GLIS3: variants seen among roughly 807,000 people sequenced by gnomAD.
The protein encoded by GLIS3 is zinc finger protein GLIS3.
In GLIS3, 53 loss-of-function variants were observed where a neutral mutation model predicts 78.6. The ratio of observed to expected loss-of-function variants is 0.67; its 90% CI spans 0.54 to 0.85. The LOEUF (loss-of-function observed/expected upper bound fraction) is 0.85. Among genes scored for constraint, GLIS3 ranks in the 40% least tolerant of loss-of-function variants. The pLI is 0.00. For missense variants in GLIS3, 1,703 were observed against 1,231.1 expected (o/e 1.38, Z -5.74); for synonymous variants, 684 against 509.9 (o/e 1.34, Z -4.60).
At chr9:4,077,619 C>A (rs534781887) in intron 4 of GLIS3, among the ~76,000 whole-genome samples, 1 of 152,268 alleles carries the variant, frequency 6.6e-6, no homozygotes, top group Non-Finnish European at 1.5e-5. Context: ...CTATGCTGTT[C>A]TTTGAGACAC....
At chr9:3,883,103 C>T (rs1362839786) in intron 7 of GLIS3, among the ~76,000 whole-genome samples, 1 of 152,178 alleles carries the variant, frequency 6.6e-6, no homozygotes, top group Non-Finnish European at 1.5e-5. Flanking sequence ...AAAAAATGGA[C>T]AACACTCTGG....
rs114167748 is a variant in GLIS3 at position 3,918,502 on chromosome 9, C to T, written c.1983+13858G>A. ...ATACAACCTAGTGCCTGGCCGTCTT[C>T]ATGGTACCTTATGGGAACTAGGACT... is the stretch of plus-strand genomic sequence containing the variant. On this transcript the variant is annotated intron_variant, in intron 6 of 10. Transcript: ENST00000381971. 7.2e-3 allele frequency among the ~76,000 whole-genome samples: 1,094 copies of T among 152,262 alleles called. 11 individuals carry two copies. The highest frequency in any genetic ancestry group is 0.023 in the South Asian group (109 of 4,818).
chr9:4,321,663 T>C (rs1199865304), intron 2 of GLIS3, among the ~76,000 whole-genome samples: 2 of 142,716 alleles, frequency 1.4e-5, no homozygotes, highest in Non-Finnish European at 3.0e-5. Context: ...TTCTCTGCTA[T>C]CCCTCCTCCA....
chr9:4,261,592 G>T (rs994728205), intron 2 of GLIS3, among the ~76,000 whole-genome samples: 1 of 152,132 alleles, frequency 6.6e-6, no homozygotes, highest in African/African-American at 2.4e-5. Flanking sequence ...CCCAGAGAGA[G>T]AACTCAAGAG....
the GLIS3 span, among the ~76,000 whole-genome samples, chr9:4,445,728 C>A: frequency 6.6e-6 from 1 of 152,196 alleles, no homozygotes; most frequent in Non-Finnish European, 1.5e-5. Flanking sequence ...CTCATGGACA[C>A]AGCATGTTAG....
intron 4 of GLIS3, among the ~76,000 whole-genome samples, chr9:4,110,567 T>C (rs1006367666): frequency 2.6e-5 from 4 of 152,178 alleles, no homozygotes; most frequent in African/African-American, 9.7e-5. Context: ...CCCCTATCTA[T>C]GCCAACCTCC....
intron 9 of GLIS3, among the ~76,000 whole-genome samples, chr9:3,843,239 T>C (rs977852221): frequency 2.0e-5 from 3 of 152,194 alleles, no homozygotes; most frequent in African/African-American, 4.8e-5. Context: ...AGTCTGTTAT[T>C]ACACAAATTT....
intron 2 of GLIS3, among the ~76,000 whole-genome samples, chr9:4,134,196 T>C (rs1019404755): frequency 3.3e-5 from 5 of 152,124 alleles, no homozygotes; most frequent in African/African-American, 1.2e-4. Context: ...TCAACTACAA[T>C]TGAAGTAGAG....
intron 4 of GLIS3, among the ~76,000 whole-genome samples, chr9:3,948,292 C>G (rs1227124708): frequency 6.6e-6 from 1 of 152,210 alleles, no homozygotes; most frequent in African/African-American, 2.4e-5. Context: ...TTAAACTACT[C>G]TATCCCATTT....
chr9:4,212,743 G>C (rs1820484677), intron 2 of GLIS3, among the ~76,000 whole-genome samples: 1 of 152,220 alleles, frequency 6.6e-6, no homozygotes, highest in African/African-American at 2.4e-5. Flanking sequence ...GAACATGTGA[G>C]GAACGGATGC....
intron 2 of GLIS3, among the ~76,000 whole-genome samples, chr9:4,151,597 C>A (rs1444516376): frequency 1.3e-5 from 2 of 152,108 alleles, no homozygotes; most frequent in South Asian, 2.1e-4. Context: ...TATTTCTTGG[C>A]AAAATAACTG....
intron 2 of GLIS3, among the ~76,000 whole-genome samples, chr9:4,221,762 G>A (rs924045642): frequency 1.3e-5 from 2 of 152,226 alleles, no homozygotes; most frequent in African/African-American, 4.8e-5. Flanking sequence ...AAAGCACCGT[G>A]TGCCTCCAAT....
intron 4 of GLIS3, among the ~76,000 whole-genome samples, chr9:4,049,736 C>G (rs1825562174): frequency 6.6e-6 from 1 of 151,834 alleles, no homozygotes; most frequent in South Asian, 2.1e-4. Context: ...ACAAAGAACT[C>G]AAACAAATTT....
chr9:4,179,336 CA>C (rs1330616240), intron 2 of GLIS3, among the ~76,000 whole-genome samples: 1 of 152,190 alleles, frequency 6.6e-6, no homozygotes, highest in African/African-American at 2.4e-5. Context: ...ATTACTGAGA[CA>C]GCATCTAAAA....
chr9:4,122,968 T>A (rs977939346), intron 3 of GLIS3, among the ~76,000 whole-genome samples: 1 of 152,074 alleles, frequency 6.6e-6, no homozygotes, highest in Non-Finnish European at 1.5e-5. Flanking sequence ...TCAGAAATGG[T>A]TGGGAAATTA....
intron 2 of GLIS3, among the ~76,000 whole-genome samples, chr9:4,140,183 G>T (rs1833703514): frequency 1.3e-5 from 2 of 152,234 alleles, no homozygotes; most frequent in South Asian, 4.2e-4. Context: ...AATTAGCCAG[G>T]CATGGTGGCG....
At chr9:3,984,689 T>C (rs1337008963) in intron 4 of GLIS3, among the ~76,000 whole-genome samples, 4 of 152,236 alleles carry the variant, frequency 2.6e-5, no homozygotes, top group East Asian at 1.9e-4. Context: ...TGTGAGGACA[T>C]AAAATTTTGG....
intron 2 of GLIS3, among the ~76,000 whole-genome samples, chr9:4,157,311 C>A (rs1835113595): frequency 6.6e-6 from 1 of 152,120 alleles, no homozygotes; most frequent in East Asian, 1.9e-4. Flanking sequence ...GTGTGACTTA[C>A]AGTGAACACC....
At chr9:4,225,776 C>G (rs1208262697) in intron 2 of GLIS3, among the ~76,000 whole-genome samples, 1 of 152,090 alleles carries the variant, frequency 6.6e-6, no homozygotes, top group East Asian at 1.9e-4. Context: ...CTCTTGAGAC[C>G]TTGAATAAAC....
Sources: gnomAD v4.1 joint callset for allele counts (sites outside exome capture counted in the v4.1 genomes callset) on GRCh38, gnomAD v4.1.1 for gene constraint, MANE v1.5 for transcripts, NCBI Gene and HGNC (gene_info 2026-07-23, HGNC 2026-07-21) for gene names.